Variants in MBP observed in about 807,000 individuals in gnomAD.
MBP encodes the protein myelin basic protein.
A neutral mutation model predicts 35.8 loss-of-function variants in MBP; 16 were observed. That is an observed-to-expected ratio of 0.45 (90% CI 0.30 to 0.68). The LOEUF (loss-of-function observed/expected upper bound fraction) is 0.68, where lower values mean the gene tolerates loss of function less well. Among genes scored for constraint, MBP ranks in the 30% least tolerant of loss-of-function variants. The probability of loss-of-function intolerance (pLI) is 0.08; values close to 1 mark genes in which losing one functional copy is unlikely to be tolerated. For missense variants in MBP, 380 were observed against 404.7 expected, an observed-to-expected ratio of 0.94 and a Z score of 0.52; for synonymous variants, 143 against 159.6, an observed-to-expected ratio of 0.90 and a Z score of 0.78.
At chr18:77,034,595 C>T (rs776650080) in intron 3 of MBP, among the ~76,000 whole-genome samples, 2 of 152,196 alleles carry the variant, frequency 1.3e-5, no homozygotes, top group Admixed American at 6.5e-5. Flanking sequence ...TGGAGCCTCC[C>T]GCTGCCTCTG....
At chr18:77,086,646 C>T (rs1209462825) in intron 2 of MBP, among the ~76,000 whole-genome samples, 1 of 152,140 alleles carries the variant, frequency 6.6e-6, no homozygotes. Context: ...CTATTTTAAG[C>T]GCTAAGGGAA....
intron 4 of MBP, among the ~76,000 whole-genome samples, chr18:76,993,809 A>C (rs1446411345): frequency 6.6e-6 from 1 of 152,018 alleles, no homozygotes; most frequent in Non-Finnish European, 1.5e-5. Flanking sequence ...ACCTTCTCAC[A>C]CACAGAGGAG....
At position 76,988,699 on chromosome 18, in the gene MBP, GGA is replaced by G. The variant is rs1312094565; in HGVS notation, c.718-174_718-173del. 1.5e-6 allele frequency: 2 copies of G among 1,352,330 alleles called. No individual in the cohort carries two copies. Among genetic ancestry groups the G allele is most frequent in the Non-Finnish European group, 2.0e-6 (2 of 991,008 alleles). 83.8% of individuals were successfully genotyped at this position (1,352,330 alleles called of 1,614,324 possible). A position where few individuals can be genotyped will look rare whatever the true frequency, so the allele number is the denominator to read the frequency against. ...GGGCCACAGCGGCTGTGCAGGTGCGGGAGGGACAGGAGGGGTGCATGGATCTG... is the reference window on the plus strand; with the variant it reads ...GGGCCACAGCGGCTGTGCAGGTGCGGGGGACAGGAGGGGTGCATGGATCTG... On this transcript the variant is annotated intron_variant, in intron 6 of 8. Transcript: ENST00000355994. This position sits in a 1 kb window ranked among gnomAD's most constrained non-coding sequence, Gnocchi z 5.2.
At chr18:77,004,859 C>T (rs1411928720) in intron 4 of MBP, 1 of 152,258 alleles carries the variant, frequency 6.6e-6, no homozygotes, top group Non-Finnish European at 1.5e-5. Context: ...TCAGATACTG[C>T]TTTTGTAGAT....
chr18:77,091,766 CCACA>C (rs371092851), intron 2 of MBP, among the ~76,000 whole-genome samples: 10 of 151,482 alleles, frequency 6.6e-5, no homozygotes, highest in Non-Finnish European at 8.8e-5. Flanking sequence ...TGTATATATG[CCACA>C]CACACACCAC....
intron 8 of MBP, 101 bp downstream of exon 8, chr18:76,984,674 C>A: frequency 3.3e-6 from 5 of 1,523,898 alleles, no homozygotes; most frequent in Non-Finnish European, 4.5e-6. Flanking sequence ...GGGTACAGTG[C>A]GGCTGAGCCA....
At chr18:77,104,420 G>T (rs1021592743) in intron 2 of MBP, among the ~76,000 whole-genome samples, 4 of 152,170 alleles carry the variant, frequency 2.6e-5, no homozygotes, top group African/African-American at 4.8e-5. Context: ...GTAGCCGCAC[G>T]CAGGAGAAAG....
At chr18:77,006,693 CT>C (rs955187307) in intron 4 of MBP, 2 of 152,286 alleles carry the variant, frequency 1.3e-5, no homozygotes, top group Admixed American at 6.5e-5. Context: ...CCTTCCAGTC[CT>C]CAAAGAAAAG....
At position 77,020,734 on chromosome 18, in the gene MBP, T is replaced by G. The variant is rs113105848; in HGVS notation, c.140-3466A>C. Reference sequence around the variant, plus strand: ...GCGCTGTTCTGCACAGACCATGTGGTGCTCACAGCTGTTCCGGCACAGCGA... The same window carrying G: ...GCGCTGTTCTGCACAGACCATGTGGGGCTCACAGCTGTTCCGGCACAGCGA... On this transcript the variant is annotated intron_variant, in intron 3 of 8. Transcript: ENST00000355994. This position sits in a 1 kb window ranked among gnomAD's most constrained non-coding sequence, Gnocchi z 4.1. Among the ~76,000 whole-genome samples, 1,556 of 152,266 alleles carry G rather than the reference T, an allele frequency of 0.01. 29 individuals carry two copies. Among genetic ancestry groups the G allele is most frequent in the African/African-American group, 0.036 (1,480 of 41,544 alleles).
At chr18:77,033,992 C>T (rs540515509) in intron 3 of MBP, among the ~76,000 whole-genome samples, 20 of 148,488 alleles carry the variant, frequency 1.3e-4, no homozygotes, top group African/African-American at 2.0e-4. Context: ...ACCCCTCATC[C>T]GCAGTATGGT....
At chr18:77,112,177 A>G (rs1599262780) in intron 1 of MBP, among the ~76,000 whole-genome samples, 1 of 151,996 alleles carries the variant, frequency 6.6e-6, no homozygotes, top group Non-Finnish European at 1.5e-5. Flanking sequence ...ACGCACACAC[A>G]CACACACACA....
chr18:77,033,190 A>G (rs1468801703), intron 3 of MBP, among the ~76,000 whole-genome samples: 2 of 150,872 alleles, frequency 1.3e-5, no homozygotes. Context: ...TTGGTTTTGA[A>G]CTCCTGGGCT....
intron 1 of MBP, chr18:77,108,326 G>A (rs1002185655): frequency 2.6e-5 from 4 of 152,356 alleles, no homozygotes; most frequent in Middle Eastern, 3.4e-3. Flanking sequence ...GAGAGAGCCA[G>A]AGAAAAATTG....
intron 2 of MBP, among the ~76,000 whole-genome samples, chr18:77,075,721 G>A (rs1267099998): frequency 6.6e-6 from 1 of 152,170 alleles, no homozygotes; most frequent in Non-Finnish European, 1.5e-5. Context: ...CTCAGAACAG[G>A]TGCTTTTCAA....
chr18:77,007,819 G>A (rs988052867), intron 4 of MBP, among the ~76,000 whole-genome samples: 1 of 152,204 alleles, frequency 6.6e-6, no homozygotes, highest in African/African-American at 2.4e-5. Flanking sequence ...TGGACAAAGC[G>A]TTGTGTAGAG....
rs545053977 is a variant in MBP, at chr18:77,013,994, C to T, written c.576+2838G>A. ...GAGAGAAGCTGCCGGGCCAAGCACA[C>T]GACAATCTTGGCCCTAAGTGCTCAC... On this transcript the variant is annotated intron_variant, in intron 4 of 8. Transcript: ENST00000355994. 3.2e-5 allele frequency: 32 copies of T among 985,418 alleles called. No individual in the cohort carries two copies. The East Asian group carries it at 3.4e-4, about 10-fold the overall frequency. 61.0% of individuals were successfully genotyped at this position (985,418 alleles called of 1,614,324 possible).
chr18:76,987,058 G>A, intron 7 of MBP: 1 of 985,460 alleles, frequency 1.0e-6, no homozygotes, highest in South Asian at 4.7e-5. Flanking sequence ...ACAGACATTA[G>A]TAGGACCCAA....
intron 2 of MBP, chr18:77,093,491 A>G (rs1975625917): frequency 6.6e-6 from 1 of 152,190 alleles, no homozygotes; most frequent in African/African-American, 2.4e-5. Flanking sequence ...TTGCATTCCA[A>G]CTTAACAAAG....
At chr18:77,063,520 G>A (rs893593212) in intron 3 of MBP, among the ~76,000 whole-genome samples, 3 of 152,124 alleles carry the variant, frequency 2.0e-5, no homozygotes, top group African/African-American at 4.8e-5. Flanking sequence ...CTGCTTCCTC[G>A]GCACACTCAC....
Sources: gnomAD v4.1 joint callset for allele counts (sites outside exome capture counted in the v4.1 genomes callset) on GRCh38, gnomAD v4.1.1 for gene constraint, Gnocchi (gnomAD v3.1) non-coding constraint, MANE v1.5 for transcripts, NCBI Gene and HGNC (gene_info 2026-07-23, HGNC 2026-07-21) for gene names.